SH2D1A: variants seen among roughly 807,000 people sequenced by gnomAD.
The protein encoded by SH2D1A is SH2 domain-containing protein 1A.
SH2D1A carries 6 observed loss-of-function variants against 10.1 expected under a neutral mutation model. The observed-to-expected ratio is 0.60, with a 90% CI of 0.33 to 1.18. The LOEUF (loss-of-function observed/expected upper bound fraction) is 1.18. Among genes scored for constraint, SH2D1A ranks in the 50% most tolerant of loss-of-function variants. The probability of loss-of-function intolerance (pLI) is 0.04; values close to 1 mark genes in which losing one functional copy is unlikely to be tolerated. For missense variants in SH2D1A, 51 were observed against 97.6 expected, an observed-to-expected ratio of 0.52 and a Z score of 2.01; for synonymous variants, 42 against 36.9, an observed-to-expected ratio of 1.14 and a Z score of -0.51.
chrX:124,356,992 C>T (rs1182787482), intron 1 of SH2D1A, among the ~76,000 whole-genome samples: 2 of 111,878 alleles, frequency 1.8e-5, no homozygotes, highest in East Asian at 5.6e-4. Context: ...GTGATGAGAA[C>T]ACTTAAAATC....
chrX:124,366,086 C>G (rs1446073072), intron 2 of SH2D1A, among the ~76,000 whole-genome samples: 1 of 24,077 alleles, frequency 4.2e-5, no homozygotes, highest in East Asian at 1.8e-3. Context: ...CTTTTAGTGA[C>G]TATGTGAAAT....
chrX:124,347,619 T>C (rs1441742158), intron 1 of SH2D1A, among the ~76,000 whole-genome samples: 2 of 111,404 alleles, frequency 1.8e-5, no homozygotes, highest in Non-Finnish European at 3.8e-5. Flanking sequence ...AATTAACCTC[T>C]CAGTTCCCCA....
intron 1 of SH2D1A, among the ~76,000 whole-genome samples, chrX:124,357,882 C>T (rs1409860935): frequency 9.2e-6 from 1 of 108,882 alleles, no homozygotes; most frequent in East Asian, 2.9e-4. Flanking sequence ...TGCAGTGGCG[C>T]GATCTTGGCT....
intron 1 of SH2D1A, among the ~76,000 whole-genome samples, chrX:124,361,696 G>T (rs899515572): frequency 8.9e-6 from 1 of 112,033 alleles, no homozygotes; most frequent in African/African-American, 3.2e-5. Context: ...GAACTTGACT[G>T]AACTGTGTTC....
intron 3 of SH2D1A, among the ~76,000 whole-genome samples, chrX:124,370,727 A>G (rs1056458410): frequency 1.8e-5 from 2 of 112,150 alleles, no homozygotes; most frequent in African/African-American, 6.5e-5. Context: ...CTTCAGGGAC[A>G]TGAAAGCTAA....
intron 1 of SH2D1A, among the ~76,000 whole-genome samples, chrX:124,347,764 G>GTAT (rs2059997707): frequency 9.0e-6 from 1 of 111,067 alleles, no homozygotes; most frequent in Admixed American, 9.6e-5. Context: ...TAAGCTATTG[G>GTAT]TATTATTATT....
At chrX:124,352,725 A>G (rs777417568) in intron 1 of SH2D1A, among the ~76,000 whole-genome samples, 168 of 111,803 alleles carry the variant, frequency 1.5e-3, no homozygotes, top group Non-Finnish European at 2.9e-3. Context: ...ACTGTGATAA[A>G]TGTATGGGCG....
intron 1 of SH2D1A, among the ~76,000 whole-genome samples, chrX:124,364,909 G>T (rs2060050253): frequency 9.0e-6 from 1 of 110,988 alleles, no homozygotes; most frequent in Non-Finnish European, 1.9e-5. Flanking sequence ...CTCCATTCAT[G>T]GTAAGTACTC....
chrX:124,362,731 C>T (rs903635923), intron 1 of SH2D1A, among the ~76,000 whole-genome samples: 4 of 110,817 alleles, frequency 3.6e-5, no homozygotes, highest in African/African-American at 9.9e-5. Context: ...TTTTGGGGGT[C>T]GAGAGTGGAA....
intron 1 of SH2D1A, among the ~76,000 whole-genome samples, chrX:124,357,030 A>G (rs994870393): frequency 4.5e-5 from 5 of 111,619 alleles, no homozygotes; most frequent in Non-Finnish European, 7.5e-5. Context: ...TCAAGAATAC[A>G]ATACATTGTT....
At chrX:124,365,630 C>T in intron 1 of SH2D1A, 131 bp from the exon 2 acceptor site, 1 of 500,233 alleles carries the variant, frequency 2.0e-6, no homozygotes, top group South Asian at 3.2e-5. Context: ...TGCTTTACTT[C>T]CTATGAATGC....
rs550753188 is a variant in SH2D1A at position 124,347,784 on chromosome X, A to G, written c.137+1005A>G. ...TATTGGTATTATTATTATACCAAAGATATATTATTATTTTATCTTCTCTTT... is the reference window on the plus strand; with the variant it reads ...TATTGGTATTATTATTATACCAAAGGTATATTATTATTTTATCTTCTCTTT... On this transcript the variant is annotated intron_variant, in intron 1 of 3. Coordinates refer to ENST00000371139, the MANE Select transcript of SH2D1A (RefSeq NM_002351.5). Among the ~76,000 whole-genome samples the G allele has an allele frequency of 1.3e-4, 15 of 111,343 alleles. No homozygotes were observed. The South Asian group carries it at 5.7e-3, about 42-fold the overall frequency.
chrX:124,349,581 A>T (rs2060002523), intron 1 of SH2D1A, among the ~76,000 whole-genome samples: 1 of 111,452 alleles, frequency 9.0e-6, no homozygotes, highest in Non-Finnish European at 1.9e-5. Flanking sequence ...TTAACCAAGA[A>T]GATTTAATTG....
intron 1 of SH2D1A, chrX:124,364,490 A>C (rs765940903): frequency 7.8e-5 from 18 of 231,011 alleles, no homozygotes; most frequent in Non-Finnish European, 1.3e-4. Context: ...AGCTAAGATT[A>C]ATTTATTATT....
chrX:124,364,623 G>A (rs2060049493), intron 1 of SH2D1A, among the ~76,000 whole-genome samples: 1 of 110,371 alleles, frequency 9.1e-6, no homozygotes, highest in Non-Finnish European at 1.9e-5. Context: ...TCCTGCCTCA[G>A]TGCCTCAGCC....
At chrX:124,365,033 G>C (rs2060050617) in intron 1 of SH2D1A, among the ~76,000 whole-genome samples, 1 of 110,814 alleles carries the variant, frequency 9.0e-6, no homozygotes, top group African/African-American at 3.3e-5. Flanking sequence ...ACAGTATTCT[G>C]TACAGTAACA....
At position 124,371,501 on chromosome X, in the gene SH2D1A, T is replaced by C. The variant is rs746586521; in HGVS notation, c.*110T>C. 1.5e-4 allele frequency: 73 copies of C among 492,385 alleles called. No homozygotes were observed. The highest frequency in any genetic ancestry group is 2.3e-4 in the Non-Finnish European group (70 of 304,377). The allele number at this position is 492,385 out of a possible 1,213,427, so 40.6% of individuals were successfully genotyped here. A position where few individuals can be genotyped will look rare whatever the true frequency, so the allele number is the denominator to read the frequency against. On this transcript the variant is annotated 3_prime_UTR_variant, in exon 4 of 4. Transcript: ENST00000371139. Reference sequence around the variant, plus strand: ...AGCTACAAATGCATTTCTAAAGCCATTGTAGTCCTGTAATGGAAGCATCTA... The same window carrying C: ...AGCTACAAATGCATTTCTAAAGCCACTGTAGTCCTGTAATGGAAGCATCTA...
Position 124,357,592 on chromosome X carries a change from A to G in SH2D1A, c.138-8169A>G, listed in dbSNP as rs756105328. On this transcript the variant is annotated intron_variant, in intron 1 of 3. Transcript: ENST00000371139. ...TACCGTTTTTTATAATGGCTGTACT[A>G]ATTTATATTCCCACCAACAGTGTGC... is the stretch of plus-strand genomic sequence containing the variant. Among the ~76,000 whole-genome samples, 3 of 111,305 alleles carry G rather than the reference A, an allele frequency of 2.7e-5. No individual in the cohort carries two copies. The South Asian group carries it at 1.1e-3, about 42-fold the overall frequency.
intron 2 of SH2D1A, among the ~76,000 whole-genome samples, chrX:124,366,557 A>C: frequency 9.0e-6 from 1 of 111,547 alleles, no homozygotes; most frequent in Non-Finnish European, 1.9e-5. Context: ...GTGCATTTAA[A>C]ATTTTCTGAA....
Sources: gnomAD v4.1 joint callset for allele counts (sites outside exome capture counted in the v4.1 genomes callset) on GRCh38, gnomAD v4.1.1 for gene constraint, MANE v1.5 for transcripts, NCBI Gene and HGNC (gene_info 2026-07-23, HGNC 2026-07-21) for gene names.